RAD50: variants seen among roughly 807,000 people sequenced by gnomAD.
The protein encoded by RAD50 is RAD50 double strand break repair protein.
RAD50 carries 132 observed loss-of-function variants against 168.8 expected under a neutral mutation model. The ratio of observed to expected loss-of-function variants is 0.78; its 90% CI spans 0.68 to 0.90. The LOEUF is 0.90. RAD50 is among the 40% of genes least tolerant of loss of function. The pLI, the probability that RAD50 is intolerant of heterozygous loss-of-function variation, is 0.00. For missense variants in RAD50, 1,347 were observed against 1,534.4 expected, an observed-to-expected ratio of 0.88 and a Z score of 2.04; for synonymous variants, 525 against 497.4, an observed-to-expected ratio of 1.06 and a Z score of -0.74.
At chr5:132,639,127 C>T (rs1417451557) in intron 23 of RAD50, among the ~76,000 whole-genome samples, 4 of 151,810 alleles carry the variant, frequency 2.6e-5, no homozygotes, top group Non-Finnish European at 5.9e-5. Flanking sequence ...AAGGCCGAGG[C>T]GGGCAGATCA....
In RAD50 at chr5:132,608,667, A is replaced by G. The variant is rs1060501963; in HGVS notation, c.2771A>G (p.Gln924Arg). The G allele has an allele frequency of 1.1e-5, 18 of 1,600,810 alleles. No individual in the cohort carries two copies. Among genetic ancestry groups the G allele is most frequent in the Non-Finnish European group, 1.5e-5 (18 of 1,173,628 alleles). The change falls in exon 17 of 25, where the codon CAA becomes CGA. Residue 924 changes from glutamine to arginine, a missense_variant. Transcript: ENST00000378823. Reference protein sequence around the residue: ...PLETTLEKFQQEKEELINKKN... With the variant: ...PLETTLEKFQREKEELINKKN... ...GAAACAACATTGGAAAAGTTCCAGC[A>G]AGAAAAAGAAGAATTAATCAACAAA...
At chr5:132,631,189 C>T (rs1751458190) in intron 21 of RAD50, among the ~76,000 whole-genome samples, 1 of 148,348 alleles carries the variant, frequency 6.7e-6, no homozygotes, top group Non-Finnish European at 1.5e-5. Flanking sequence ...CTTGCAAACT[C>T]GGCTCACTGT....
intron 21 of RAD50, among the ~76,000 whole-genome samples, chr5:132,625,334 C>T: frequency 6.6e-6 from 1 of 152,102 alleles, no homozygotes; most frequent in East Asian, 1.9e-4. Flanking sequence ...GATCCGCCCG[C>T]CTCGGCCTCC....
chr5:132,592,130 T>C (rs1447105868), intron 11 of RAD50, 96 bp downstream of exon 11: 3 of 1,332,520 alleles, frequency 2.3e-6, no homozygotes, highest in Non-Finnish European at 3.2e-6. Flanking sequence ...AAATGGTATG[T>C]TATATTGATA....
At chr5:132,596,603 A>G (rs1232097219) in intron 13 of RAD50, among the ~76,000 whole-genome samples, 1 of 152,246 alleles carries the variant, frequency 6.6e-6, no homozygotes, top group Non-Finnish European at 1.5e-5. Flanking sequence ...ACAAACAAAA[A>G]TCAAGTCAGG....
Position 132,587,938 on chromosome 5 carries a change from T to G in RAD50, c.900T>G (p.Thr300=), listed in dbSNP as rs2149840571. The part of the protein sequence containing the change: ...EEKMEKVFQG[T]DEQLNDLYHN... The stretch of plus-strand genomic sequence containing the variant: ...GTGTTACACAGGTTTTTCAAGGGAC[T>G]GATGAGCAACTAAATGACTTATATC... The change falls in exon 7 of 25, where the codon ACT becomes ACG. Residue 300 remains threonine (T), a synonymous_variant. Coordinates refer to ENST00000378823, the MANE Select transcript of RAD50 (RefSeq NM_005732.4). 1 of 1,613,204 alleles carries G rather than the reference T, an allele frequency of 6.2e-7. No individual in the cohort carries two copies. The highest frequency in any genetic ancestry group is 1.3e-5 in the African/African-American group (1 of 75,016).
At chr5:132,559,657 T>C (rs1750085807) in intron 2 of RAD50, among the ~76,000 whole-genome samples, 1 of 152,240 alleles carries the variant, frequency 6.6e-6, no homozygotes, top group African/African-American at 2.4e-5. Flanking sequence ...GTGTTTGGTA[T>C]GTAAGTGTTT....
At position 132,557,133 on chromosome 5, in the gene RAD50, G is replaced by A. The variant is rs1750011157; in HGVS notation, c.-192G>A. On this transcript the variant is annotated 5_prime_UTR_variant, in exon 1 of 25. Coordinates refer to ENST00000378823, the MANE Select transcript of RAD50 (RefSeq NM_005732.4). ...GAAAGCAGCTGGTGTGGGAGGAAAG[G>A]CTCCATCCCCCGCCCCCTCTCTCCC... The A allele has an allele frequency of 1.3e-6, 1 of 793,582 alleles. No homozygotes were observed. The highest frequency in any genetic ancestry group is 1.7e-5 in the South Asian group (1 of 59,548). The allele number at this position is 793,582 out of a possible 1,614,324, so 49.2% of individuals were successfully genotyped here.
intron 21 of RAD50, among the ~76,000 whole-genome samples, chr5:132,631,327 C>G (rs1751461619): frequency 6.6e-6 from 1 of 152,030 alleles, no homozygotes; most frequent in African/African-American, 2.4e-5. Flanking sequence ...ACCATGTTGG[C>G]CAGGGTGGTC....
At chr5:132,619,257 C>T (rs1400248021) in intron 21 of RAD50, among the ~76,000 whole-genome samples, 1 of 152,124 alleles carries the variant, frequency 6.6e-6, no homozygotes, top group East Asian at 1.9e-4. Flanking sequence ...TATTGTTTTC[C>T]AGAAATGACT....
chr5:132,590,045 GC>G (rs1750671222), intron 9 of RAD50, among the ~76,000 whole-genome samples: 1 of 152,158 alleles, frequency 6.6e-6, no homozygotes, highest in Admixed American at 6.6e-5. Flanking sequence ...CACATAGGGA[GC>G]TTTTTAAAGA....
At position 132,573,849 on chromosome 5, in the gene RAD50, A is replaced by T. The variant is rs117764172; in HGVS notation, c.214-1928A>T. On this transcript the variant is annotated intron_variant, in intron 2 of 24. Coordinates refer to ENST00000378823, the MANE Select transcript of RAD50 (RefSeq NM_005732.4). The stretch of plus-strand genomic sequence containing the variant: ...AATTCAGTGGGGCAGGTGTATCTTA[A>T]AGCTCCAGAATGATCTCCTTTGACT... 1.7e-4 allele frequency among the ~76,000 whole-genome samples: 26 copies of T among 152,290 alleles called. No individual in the cohort carries two copies. The East Asian group carries it at 5.0e-3, about 29-fold the overall frequency.
chr5:132,639,545 A>G (rs1370402642), intron 23 of RAD50, among the ~76,000 whole-genome samples: 1 of 152,242 alleles, frequency 6.6e-6, no homozygotes, highest in Non-Finnish European at 1.5e-5. Flanking sequence ...ATGAGAAAAT[A>G]CAGAGTTTGA....
At chr5:132,574,416 G>A (rs897949220) in intron 2 of RAD50, among the ~76,000 whole-genome samples, 4 of 152,256 alleles carry the variant, frequency 2.6e-5, no homozygotes, top group African/African-American at 7.2e-5. Context: ...TCCCTAGACC[G>A]CACACAGCAG....
rs200264387 is a variant in RAD50 at position 132,587,695 on chromosome 5, G to A, written c.885+5G>A. On this transcript the variant is annotated splice_donor_5th_base_variant and intron_variant, in intron 6 of 24. Transcript: ENST00000378823. ...CTGGAAGAGAAAATGGAAAAGGTTT[G>A]TGGTGGTAGAATTTTGTTCTGCTTC... 2.8e-5 allele frequency: 45 copies of A among 1,613,592 alleles called. No homozygotes were observed. The Admixed American group carries it at 3.3e-4, about 12-fold the overall frequency.
intron 21 of RAD50, among the ~76,000 whole-genome samples, chr5:132,629,240 C>T (rs1425500391): frequency 2.0e-5 from 3 of 152,182 alleles, no homozygotes; most frequent in Non-Finnish European, 4.4e-5. Flanking sequence ...TTGTCAGGCT[C>T]TGGGAAAACA....
intron 17 of RAD50, 109 bp from the exon 18 acceptor site, chr5:132,609,008 G>C: frequency 6.8e-7 from 1 of 1,474,704 alleles, no homozygotes; most frequent in Non-Finnish European, 9.1e-7. Flanking sequence ...CAGTAGTGGT[G>C]GAAACTGGAA....
At position 132,645,677 on chromosome 5, in the gene RAD50, G is replaced by A. The variant is rs1407804691; in HGVS notation, c.*3313G>A. ...AAAAGTTTACTATTAAGCCAGCTAC[G>A]GTAAGTGGGCAATTAGAGTTTGGTG... On this transcript the variant is annotated 3_prime_UTR_variant, in exon 25 of 25. Transcript: ENST00000378823. 2.0e-5 allele frequency: 3 copies of A among 152,160 alleles called. No homozygotes were observed. Among genetic ancestry groups the A allele is most frequent in the African/African-American group, 4.8e-5 (2 of 41,424 alleles). 9.4% of individuals were successfully genotyped at this position (152,160 alleles called of 1,614,324 possible). A position where few individuals can be genotyped will look rare whatever the true frequency, so the allele number is the denominator to read the frequency against.
At chr5:132,587,743 G>A in intron 6 of RAD50, 53 bp downstream of exon 6, 2 of 1,610,116 alleles carry the variant, frequency 1.2e-6, no homozygotes, top group South Asian at 2.2e-5. Flanking sequence ...TTATTGTAAT[G>A]AACTTTATTT....
Sources: gnomAD v4.1 joint callset for allele counts (sites outside exome capture counted in the v4.1 genomes callset) on GRCh38, gnomAD v4.1.1 for gene constraint, MANE v1.5 for transcripts, NCBI Gene and HGNC (gene_info 2026-07-23, HGNC 2026-07-21) for gene names.